The following RAB31 variants were observed in gnomAD, a reference collection of about 807,000 sequenced individuals.
RAB31 encodes RAB31, member RAS oncogene family, also known as ras-related protein Rab-31.
RAB31 carries 21 observed loss-of-function variants against 25.6 expected under a neutral mutation model. That is an observed-to-expected ratio of 0.82 (90% CI 0.58 to 1.18). RAB31 has a LOEUF of 1.18. Among genes scored for constraint, RAB31 ranks in the 50% most tolerant of loss-of-function variants. RAB31 has a pLI of 0.00. For missense variants in RAB31, 196 were observed against 250.1 expected, an observed-to-expected ratio of 0.78 and a Z score of 1.46; for synonymous variants, 87 against 84.0, an observed-to-expected ratio of 1.04 and a Z score of -0.20.
At chr18:9,749,389 C>A (rs1599023206) in intron 1 of RAB31, among the ~76,000 whole-genome samples, 1 of 152,196 alleles carries the variant, frequency 6.6e-6, no homozygotes, top group Non-Finnish European at 1.5e-5. Flanking sequence ...AGTGCAGGGA[C>A]ACCCAGGAAG....
At chr18:9,836,783 C>G (rs897003583) in intron 5 of RAB31, among the ~76,000 whole-genome samples, 1 of 150,204 alleles carries the variant, frequency 6.7e-6, no homozygotes, top group African/African-American at 2.5e-5. Context: ...TGGGTAGAGT[C>G]AGTGTGTGAG....
intron 1 of RAB31, among the ~76,000 whole-genome samples, chr18:9,772,980 C>T (rs1419737315): frequency 3.3e-5 from 5 of 152,138 alleles, no homozygotes; most frequent in South Asian, 2.1e-4. Context: ...GAAATAGCAG[C>T]GGCATCAATT....
chr18:9,799,600 G>A (rs116644090), intron 3 of RAB31, among the ~76,000 whole-genome samples: 2,543 of 152,156 alleles, frequency 0.017, 65 homozygotes, highest in African/African-American at 0.058. Context: ...GGGCTCAAGC[G>A]ATTCTCCCGC....
At chr18:9,756,228 C>A (rs894681009) in intron 1 of RAB31, among the ~76,000 whole-genome samples, 1 of 152,078 alleles carries the variant, frequency 6.6e-6, no homozygotes, top group African/African-American at 2.4e-5. Flanking sequence ...AAGTATAGAC[C>A]CTGATATAGT....
chr18:9,843,170 G>A (rs940319772), intron 5 of RAB31, among the ~76,000 whole-genome samples: 2 of 152,164 alleles, frequency 1.3e-5, no homozygotes, highest in Non-Finnish European at 2.9e-5. Context: ...CCCACCCCCA[G>A]TAGGGTAGCA....
intron 6 of RAB31, among the ~76,000 whole-genome samples, chr18:9,855,855 G>A (rs1479215764): frequency 6.6e-6 from 1 of 152,104 alleles, no homozygotes; most frequent in Admixed American, 6.6e-5. Flanking sequence ...GAATCACACA[G>A]CATTTCTCCC....
chr18:9,812,286 C>G (rs116803114), intron 3 of RAB31, among the ~76,000 whole-genome samples: 1 of 152,194 alleles, frequency 6.6e-6, no homozygotes, highest in Non-Finnish European at 1.5e-5. Context: ...CCCATTTACT[C>G]CCATAAACAG....
Position 9,775,472 on chromosome 18 carries a change from A to G in RAB31, c.119+115A>G, listed in dbSNP as rs1488814388. The G allele has an allele frequency of 2.6e-6, 4 of 1,521,588 alleles. No homozygotes were observed. In the Admixed American group the frequency reaches 6.1e-5, roughly 23 times the overall value. 94.3% of individuals were successfully genotyped at this position (1,521,588 alleles called of 1,614,324 possible). A position where few individuals can be genotyped will look rare whatever the true frequency, so the allele number is the denominator to read the frequency against. ...GCCACAGTTTTCATCCCAGCCAGTG[A>G]GAATCAATCCCAGCTGTAGACCGAC... On this transcript the variant is annotated intron_variant, in intron 2 of 6. Coordinates refer to ENST00000578921, the MANE Select transcript of RAB31 (RefSeq NM_006868.4).
intron 1 of RAB31, among the ~76,000 whole-genome samples, chr18:9,712,340 A>G (rs556745124): frequency 2.4e-4 from 37 of 152,318 alleles, no homozygotes; most frequent in African/African-American, 8.7e-4. Context: ...GCCTTTGTGA[A>G]CGCCCTTTCC....
chr18:9,722,911 A>T lies in RAB31; in HGVS notation c.39+14467A>T, dbSNP rs532193340. The stretch of plus-strand genomic sequence containing the variant: ...TGCAATTCCTCAGCTCTACAGTTTT[A>T]CTACTTTTTCTGGTATGACACAACT... On this transcript the variant is annotated intron_variant, in intron 1 of 6. Coordinates refer to ENST00000578921, the MANE Select transcript of RAB31 (RefSeq NM_006868.4). 3 of 152,288 alleles carry T rather than the reference A, an allele frequency of 2.0e-5. No individual in the cohort carries two copies. In the South Asian group the frequency reaches 6.2e-4, roughly 32 times the overall value. The allele number at this position is 152,288 out of a possible 1,614,324, so 9.4% of individuals were successfully genotyped here.
chr18:9,799,157 T>A (rs578018982), intron 3 of RAB31, among the ~76,000 whole-genome samples: 1 of 152,296 alleles, frequency 6.6e-6, no homozygotes, highest in Admixed American at 6.5e-5. Context: ...CCTCAAGCAA[T>A]CCATTTCACT....
At chr18:9,743,806 C>T (rs2068191883) in intron 1 of RAB31, among the ~76,000 whole-genome samples, 1 of 152,240 alleles carries the variant, frequency 6.6e-6, no homozygotes, top group Non-Finnish European at 1.5e-5. Context: ...ACCTCCAGGA[C>T]CTCTGTCTTT....
At chr18:9,740,079 TAATG>T (rs1399525878) in intron 1 of RAB31, among the ~76,000 whole-genome samples, 1 of 152,220 alleles carries the variant, frequency 6.6e-6, no homozygotes, top group East Asian at 1.9e-4. Flanking sequence ...TAGACCAGCC[TAATG>T]GATGAATCCT....
chr18:9,758,866 C>G (rs1173261190), intron 1 of RAB31, among the ~76,000 whole-genome samples: 1 of 152,082 alleles, frequency 6.6e-6, no homozygotes, highest in Admixed American at 6.5e-5. Flanking sequence ...CTGCCGAGGC[C>G]TTTGCTCTGA....
At chr18:9,774,530 G>A (rs7226427) in intron 1 of RAB31, among the ~76,000 whole-genome samples, 4,845 of 152,220 alleles carry the variant, frequency 0.032, 279 homozygotes, top group African/African-American at 0.11. Flanking sequence ...CTCAGGGACC[G>A]CTTGTCCTCC....
chr18:9,803,165 AGTAC>A (rs1360456619), intron 3 of RAB31, among the ~76,000 whole-genome samples: 9 of 151,950 alleles, frequency 5.9e-5, no homozygotes, highest in Non-Finnish European at 1.0e-4. Flanking sequence ...GAGAGGATAG[AGTAC>A]ATGCGAGTTT....
At chr18:9,845,718 C>A in intron 6 of RAB31, 27 bp downstream of exon 6, 1 of 1,522,392 alleles carries the variant, frequency 6.6e-7, no homozygotes, top group South Asian at 1.3e-5. Context: ...GGGTTTTCAG[C>A]CCAACTTGCA....
chr18:9,809,820 A>C (rs1046762902), intron 3 of RAB31, among the ~76,000 whole-genome samples: 14 of 152,228 alleles, frequency 9.2e-5, no homozygotes, highest in African/African-American at 3.4e-4. Context: ...GGAATTGTCA[A>C]ATCAAAGTAT....
intron 3 of RAB31, among the ~76,000 whole-genome samples, chr18:9,808,466 CT>C (rs1273867747): frequency 6.6e-6 from 1 of 152,188 alleles, no homozygotes; most frequent in African/African-American, 2.4e-5. Flanking sequence ...CTCTGCTTTT[CT>C]GTGGAGAGAG....
Sources: gnomAD v4.1 joint callset for allele counts (sites outside exome capture counted in the v4.1 genomes callset) on GRCh38, gnomAD v4.1.1 for gene constraint, MANE v1.5 for transcripts, NCBI Gene and HGNC (gene_info 2026-07-23, HGNC 2026-07-21) for gene names.